Variants in IL23R observed in about 807,000 individuals in gnomAD.
The protein encoded by IL23R is interleukin-23 receptor.
Under a neutral mutation model 56.9 loss-of-function variants are expected in IL23R, and 34 were observed. That is an observed-to-expected ratio of 0.60 (90% CI 0.45 to 0.80). The LOEUF is 0.80. Among genes scored for constraint, IL23R ranks in the 30% least tolerant of loss-of-function variants. IL23R has a pLI of 0.00. For missense variants in IL23R, 635 were observed against 730.0 expected (o/e 0.87, Z 1.50); for synonymous variants, 230 against 249.2 (o/e 0.92, Z 0.73).
intron 1 of IL23R, among the ~76,000 whole-genome samples, chr1:67,145,013 T>C (rs1159323035): frequency 1.3e-5 from 2 of 152,186 alleles, no homozygotes; most frequent in East Asian, 3.8e-4. Context: ...CCTTTTTCAC[T>C]CTTCACCTAG....
chr1:67,167,118 C>T (rs796765922), intron 1 of IL23R, among the ~76,000 whole-genome samples: 6 of 151,994 alleles, frequency 3.9e-5, no homozygotes, highest in Non-Finnish European at 5.9e-5. Flanking sequence ...TTAGGGGGTG[C>T]GGGGGACAAG....
At chr1:67,265,635 C>A in the IL23R span, among the ~76,000 whole-genome samples, 2 of 152,204 alleles carry the variant, frequency 1.3e-5, no homozygotes, top group Non-Finnish European at 2.9e-5. Context: ...TTTAATAATT[C>A]CTCTTGTACA....
At chr1:67,170,307 T>C (rs996601487) in intron 3 of IL23R, among the ~76,000 whole-genome samples, 1 of 152,186 alleles carries the variant, frequency 6.6e-6, no homozygotes, top group African/African-American at 2.4e-5. Context: ...TCCTTAAAAA[T>C]GCATCCTTTT....
intron 1 of IL23R, among the ~76,000 whole-genome samples, chr1:67,157,834 C>T (rs994895517): frequency 2.6e-5 from 4 of 152,210 alleles, no homozygotes; most frequent in Non-Finnish European, 1.5e-5. Context: ...AGAATGAAAA[C>T]TCCATGGGGA....
At chr1:67,230,603 A>G (rs1651034460) in intron 7 of IL23R, among the ~76,000 whole-genome samples, 2 of 152,106 alleles carry the variant, frequency 1.3e-5, no homozygotes, top group African/African-American at 4.8e-5. Context: ...CCTTCTCCCT[A>G]CATACCAAGT....
At chr1:67,173,221 T>C (rs1646965797) in intron 3 of IL23R, among the ~76,000 whole-genome samples, 1 of 152,212 alleles carries the variant, frequency 6.6e-6, no homozygotes, top group South Asian at 2.1e-4. Context: ...GATGTTATTA[T>C]CATAAGCATA....
chr1:67,259,247 C>A lies in IL23R; in HGVS notation c.*119C>A. ...AAAAATGTATTCACATACAAATCTT[C>A]ACATGGACACATGTTTTCATTTCCC... On this transcript the variant is annotated 3_prime_UTR_variant, in exon 11 of 11. Transcript: ENST00000347310. 1.1e-6 allele frequency: 1 copy of A among 920,176 alleles called. No homozygotes were observed. Among genetic ancestry groups the A allele is most frequent in the Non-Finnish European group, 1.7e-6 (1 of 579,972 alleles). The allele number at this position is 920,176 out of a possible 1,614,324, so 57.0% of individuals were successfully genotyped here.
chr1:67,260,894 A>G (rs1338854009), downstream of IL23R, among the ~76,000 whole-genome samples: 3 of 152,182 alleles, frequency 2.0e-5, no homozygotes, highest in Non-Finnish European at 4.4e-5. Context: ...TAAAAAATAA[A>G]TAAATATTCG....
At chr1:67,251,088 A>G (rs1038240362) in intron 9 of IL23R, among the ~76,000 whole-genome samples, 7 of 152,188 alleles carry the variant, frequency 4.6e-5, no homozygotes, top group African/African-American at 1.7e-4. Context: ...GCAAGACAAA[A>G]TGGAGAAAAA....
chr1:67,214,307 G>A (rs2019262), intron 6 of IL23R, among the ~76,000 whole-genome samples: 57,576 of 151,972 alleles, frequency 0.38, 11,849 homozygotes, highest in Admixed American at 0.53. Flanking sequence ...ATATTTATGT[G>A]GTCTTTAAAG....
intron 3 of IL23R, among the ~76,000 whole-genome samples, chr1:67,174,553 A>T (rs183623786): frequency 1.3e-5 from 2 of 151,896 alleles, no homozygotes; most frequent in East Asian, 3.9e-4. Flanking sequence ...CTATCCTTCC[A>T]TTTGTCTTGT....
intron 8 of IL23R, among the ~76,000 whole-genome samples, chr1:67,238,841 A>G (rs189779022): frequency 2.0e-5 from 3 of 152,286 alleles, no homozygotes; most frequent in Admixed American, 6.5e-5. Flanking sequence ...CTGGGAAAAC[A>G]TTAATTTCAT....
intron 6 of IL23R, 86 bp downstream of exon 6, chr1:67,207,141 T>C: frequency 7.6e-7 from 1 of 1,324,250 alleles, no homozygotes; most frequent in Non-Finnish European, 1.1e-6. Context: ...TTATTATGTC[T>C]ATTTTACATG....
At chr1:67,202,057 T>A (rs1648677880) in intron 5 of IL23R, among the ~76,000 whole-genome samples, 1 of 152,156 alleles carries the variant, frequency 6.6e-6, no homozygotes, top group South Asian at 2.1e-4. Context: ...TACAACTACA[T>A]CCAAGTCCTA....
intron 9 of IL23R, 93 bp from the exon 10 acceptor site, chr1:67,255,744 A>G: frequency 4.2e-6 from 3 of 710,002 alleles, no homozygotes; most frequent in East Asian, 5.7e-5. Flanking sequence ...CGACCTAGGA[A>G]ATTTGATTTT....
intron 4 of IL23R, among the ~76,000 whole-genome samples, chr1:67,187,193 C>A (rs1463959811): frequency 6.6e-6 from 1 of 152,138 alleles, no homozygotes; most frequent in African/African-American, 2.4e-5. Context: ...TTTACATTCC[C>A]AACAACAGTG....
chr1:67,156,880 C>T (rs1646774149), intron 1 of IL23R, among the ~76,000 whole-genome samples: 1 of 152,120 alleles, frequency 6.6e-6, no homozygotes, highest in African/African-American at 2.4e-5. Context: ...TCCTGCAGCT[C>T]AGTTCCTGCT....
intron 1 of IL23R, among the ~76,000 whole-genome samples, chr1:67,150,695 A>C (rs1646721036): frequency 6.6e-6 from 1 of 151,402 alleles, no homozygotes; most frequent in South Asian, 2.1e-4. Flanking sequence ...TGTTATCCAG[A>C]TAGAGATGTT....
intron 1 of IL23R, among the ~76,000 whole-genome samples, chr1:67,156,292 A>G (rs544463851): frequency 1.3e-5 from 2 of 152,308 alleles, no homozygotes; most frequent in South Asian, 2.1e-4. Context: ...TTGAGGAGGC[A>G]GTCTGTCCCT....
Sources: allele counts gnomAD v4.1 joint callset (sites outside exome capture counted in the v4.1 genomes callset), GRCh38; gene constraint gnomAD v4.1.1; transcripts MANE v1.5; gene names NCBI Gene and HGNC (gene_info 2026-07-23, HGNC 2026-07-21).